The following SPATA45 variants were observed in gnomAD, a reference collection of about 807,000 sequenced individuals.
SPATA45 encodes spermatogenesis associated 45.
In SPATA45, 5 loss-of-function variants were observed where a neutral mutation model predicts 7.0. The ratio of observed to expected loss-of-function variants is 0.71; its 90% CI spans 0.37 to 1.50. SPATA45 has a LOEUF of 1.50. Ranked by LOEUF, SPATA45 falls within the 40% of genes most tolerant of loss-of-function variation. SPATA45 has a pLI of 0.03. For missense variants in SPATA45, 111 were observed against 114.9 expected (o/e 0.97, Z 0.16); for synonymous variants, 40 against 38.7 (o/e 1.03, Z -0.13).
intron 1 of SPATA45, among the ~76,000 whole-genome samples, chr1:212,838,625 AAACT>A (rs1663629200): frequency 6.6e-6 from 1 of 151,840 alleles, no homozygotes; most frequent in Non-Finnish European, 1.5e-5. Flanking sequence ...GTACATATGA[AAACT>A]AACACATGAA....
chr1:212,842,969 C>A (rs1265628992), intron 1 of SPATA45, among the ~76,000 whole-genome samples: 1 of 150,640 alleles, frequency 6.6e-6, no homozygotes, highest in Non-Finnish European at 1.5e-5. Flanking sequence ...TGGTGGCATG[C>A]GCCTGTAGTC....
intron 1 of SPATA45, among the ~76,000 whole-genome samples, chr1:212,843,855 C>T (rs1663740899): frequency 6.6e-6 from 1 of 152,154 alleles, no homozygotes; most frequent in African/African-American, 2.4e-5. Context: ...AGGATCTGTG[C>T]CTTATCAACC....
rs1663501432 is a variant in SPATA45, at chr1:212,832,162, G to T, written c.278-1901C>A. ...GCCTCCAGAGTAGCTAGGATTACAG[G>T]CATGCACCACCATGCCCAGCTAATT... is the stretch of plus-strand genomic sequence containing the variant. On this transcript the variant is annotated intron_variant, in intron 2 of 2. Transcript: ENST00000332912. Among the ~76,000 whole-genome samples the T allele has an allele frequency of 3.3e-5, 5 of 149,906 alleles. No individual in the cohort carries two copies. In the South Asian group the frequency reaches 1.1e-3, roughly 32 times the overall value.
chr1:212,832,664 C>T lies in SPATA45; in HGVS notation c.278-2403G>A, dbSNP rs556257282. On this transcript the variant is annotated intron_variant, in intron 2 of 2. Coordinates refer to ENST00000332912, the MANE Select transcript of SPATA45 (RefSeq NM_001024601.3). ...CACAGGTATGCAAAGGAAAGGAGTA[C>T]AGTGCCTTCCAATTCGTATTGAATA... Among the ~76,000 whole-genome samples the T allele has an allele frequency of 4.6e-5, 7 of 151,466 alleles. 1 individual carries two copies. The highest frequency in any genetic ancestry group is 2.6e-4 in the Admixed American group (4 of 15,170).
rs961801128 is a variant in SPATA45 at position 212,837,444 on chromosome 1, C to T, written c.-38-1257G>A. ...GTCAGGAGTTCAAGACCAGCCTGGC[C>T]AACATAGTGAAACCCTGTCTCTACT... On this transcript the variant is annotated intron_variant, in intron 1 of 2. Transcript: ENST00000332912. Among the ~76,000 whole-genome samples, 25 of 150,356 alleles carry T rather than the reference C, an allele frequency of 1.7e-4. 1 individual carries two copies. Among genetic ancestry groups the T allele is most frequent in the African/African-American group, 5.6e-4 (23 of 40,978 alleles).
chr1:212,847,015 C>A (rs1663810401), intron 1 of SPATA45, among the ~76,000 whole-genome samples: 1 of 152,122 alleles, frequency 6.6e-6, no homozygotes, highest in African/African-American at 2.4e-5. Context: ...CCTCACCTTC[C>A]AAGTAGCTGG....
chr1:212,835,091 C>T (rs1663564362), intron 2 of SPATA45, among the ~76,000 whole-genome samples: 1 of 151,624 alleles, frequency 6.6e-6, no homozygotes, highest in Admixed American at 6.6e-5. Flanking sequence ...ATCCACCAGC[C>T]TAGTTTAATG....
chr1:212,831,429 C>A (rs946963899), intron 2 of SPATA45, among the ~76,000 whole-genome samples: 9 of 148,488 alleles, frequency 6.1e-5, no homozygotes, highest in Non-Finnish European at 1.3e-4. Context: ...GCTATGATCA[C>A]ACCACTGCGC....
intron 2 of SPATA45, among the ~76,000 whole-genome samples, chr1:212,832,945 A>C (rs1412294164): frequency 6.6e-6 from 1 of 151,604 alleles, no homozygotes; most frequent in Non-Finnish European, 1.5e-5. Context: ...CTAGGGACTG[A>C]AGATAAAGTG....
At chr1:212,836,303 C>T (rs1187568756) in intron 1 of SPATA45, 116 bp from the exon 2 acceptor site, 5 of 742,882 alleles carry the variant, frequency 6.7e-6, no homozygotes, top group African/African-American at 3.5e-5. Flanking sequence ...ACAACCACCA[C>T]CAAGCCTCCC....
intron 1 of SPATA45, among the ~76,000 whole-genome samples, chr1:212,840,359 G>A (rs1348793392): frequency 6.6e-6 from 1 of 152,218 alleles, no homozygotes; most frequent in Admixed American, 6.5e-5. Flanking sequence ...ATAGTGAGCG[G>A]AGATCGTTCC....
intron 1 of SPATA45, among the ~76,000 whole-genome samples, chr1:212,842,183 G>A (rs1447365521): frequency 3.3e-5 from 5 of 150,994 alleles, no homozygotes; most frequent in Non-Finnish European, 5.9e-5. Context: ...TTCGAGACCA[G>A]CCTGGCCAAC....
chr1:212,832,278 A>T (rs1313144633), intron 2 of SPATA45, among the ~76,000 whole-genome samples: 1 of 149,220 alleles, frequency 6.7e-6, no homozygotes, highest in Non-Finnish European at 1.5e-5. Flanking sequence ...TGCTGGGATT[A>T]CAGGCGTGAG....
chr1:212,834,222 G>T (rs1412671900), intron 2 of SPATA45, among the ~76,000 whole-genome samples: 1 of 151,638 alleles, frequency 6.6e-6, no homozygotes, highest in Non-Finnish European at 1.5e-5. Flanking sequence ...CAAGTGTGGT[G>T]ATTCTTTTGT....
chr1:212,841,229 G>A (rs1315958660), intron 1 of SPATA45, among the ~76,000 whole-genome samples: 2 of 151,890 alleles, frequency 1.3e-5, no homozygotes, highest in Non-Finnish European at 2.9e-5. Flanking sequence ...CATGATCTTG[G>A]CTCACTGCAA....
At chr1:212,840,071 A>G (rs549255600) in intron 1 of SPATA45, among the ~76,000 whole-genome samples, 1 of 151,916 alleles carries the variant, frequency 6.6e-6, no homozygotes, top group Non-Finnish European at 1.5e-5. Flanking sequence ...AGATTTGACA[A>G]TGTAATAGTC....
At chr1:212,833,989 T>A (rs1317667166) in intron 2 of SPATA45, among the ~76,000 whole-genome samples, 1 of 151,770 alleles carries the variant, frequency 6.6e-6, no homozygotes, top group African/African-American at 2.4e-5. Context: ...TCTCAGGTGA[T>A]CCGCCCACCT....
At chr1:212,836,279 T>A in intron 1 of SPATA45, 92 bp from the exon 2 acceptor site, 1 of 1,030,656 alleles carries the variant, frequency 9.7e-7, no homozygotes, top group Non-Finnish European at 1.4e-6. Context: ...TTTTGCCTTC[T>A]ATAAAATAAC....
chr1:212,833,300 G>A (rs769914645), intron 2 of SPATA45, among the ~76,000 whole-genome samples: 16 of 151,420 alleles, frequency 1.1e-4, no homozygotes, highest in Non-Finnish European at 1.6e-4. Context: ...TCATAGCTTA[G>A]CTCCCACTTA....
Sources: gnomAD v4.1 joint callset for allele counts (sites outside exome capture counted in the v4.1 genomes callset) on GRCh38, gnomAD v4.1.1 for gene constraint, MANE v1.5 for transcripts, NCBI Gene and HGNC (gene_info 2026-07-23, HGNC 2026-07-21) for gene names.